Variants in EFHC2 observed in about 807,000 individuals in gnomAD.
EFHC2 encodes the protein EF-hand domain-containing family member C2.
Under a neutral mutation model 52.7 loss-of-function variants are expected in EFHC2, and 18 were observed. That is an observed-to-expected ratio of 0.34 (90% CI 0.24 to 0.51). The LOEUF (loss-of-function observed/expected upper bound fraction) is 0.51. EFHC2 is among the 20% of genes least tolerant of loss of function. The pLI is 0.97. For missense variants in EFHC2, 513 were observed against 562.5 expected (o/e 0.91, Z 0.89); for synonymous variants, 203 against 204.1 (o/e 0.99, Z 0.04).
At chrX:44,276,449 A>T (rs1422553925) in intron 2 of EFHC2, among the ~76,000 whole-genome samples, 1 of 111,542 alleles carries the variant, frequency 9.0e-6, no homozygotes. Flanking sequence ...AAAAGAAAAA[A>T]CTCCTGAAAT....
chrX:44,204,483 A>T (rs2037032242), intron 11 of EFHC2, among the ~76,000 whole-genome samples: 1 of 111,676 alleles, frequency 9.0e-6, no homozygotes, highest in Admixed American at 9.5e-5. Flanking sequence ...AAAACAGAAA[A>T]ATGATCCAGG....
intron 7 of EFHC2, among the ~76,000 whole-genome samples, chrX:44,243,696 A>G (rs914815892): frequency 1.8e-5 from 2 of 112,196 alleles, no homozygotes; most frequent in Admixed American, 9.5e-5. Flanking sequence ...TGCTTACAGC[A>G]GACATGTTTA....
intron 11 of EFHC2, among the ~76,000 whole-genome samples, chrX:44,180,435 T>C (rs6609283): frequency 0.49 from 54,614 of 110,752 alleles, 10,286 homozygotes; most frequent in African/African-American, 0.68. Context: ...GAACACTACA[T>C]CACCATTAAA....
intron 11 of EFHC2, among the ~76,000 whole-genome samples, chrX:44,202,538 T>TA (rs1256253704): frequency 2.7e-5 from 3 of 111,983 alleles, no homozygotes; most frequent in Non-Finnish European, 5.6e-5. Flanking sequence ...TAAAACAAGA[T>TA]ACATTATATT....
At chrX:44,178,129 TCA>T (rs201977577) in intron 12 of EFHC2, among the ~76,000 whole-genome samples, 1,003 of 83,745 alleles carry the variant, frequency 0.012, 12 homozygotes, top group African/African-American at 0.033. Flanking sequence ...AGATGCCATA[TCA>T]CACACACACA....
chrX:44,288,790 A>G (rs2037771881), intron 2 of EFHC2, among the ~76,000 whole-genome samples: 1 of 111,864 alleles, frequency 8.9e-6, no homozygotes, highest in Non-Finnish European at 1.9e-5. Flanking sequence ...TGTCTGTTTT[A>G]TTGTGTATTT....
chrX:44,321,117 T>C (rs1303773178), intron 1 of EFHC2, among the ~76,000 whole-genome samples: 1 of 111,695 alleles, frequency 9.0e-6, no homozygotes, highest in Non-Finnish European at 1.9e-5. Context: ...TGTATGTATC[T>C]TGAAGGTAGA....
At chrX:44,248,963 C>T (rs2037421568) in intron 5 of EFHC2, 47 bp from the exon 6 acceptor site, 8 of 940,506 alleles carry the variant, frequency 8.5e-6, no homozygotes, top group Non-Finnish European at 1.2e-5. Flanking sequence ...TAATCCATTC[C>T]CTTTCTTACT....
chrX:44,310,920 G>T (rs963605073), intron 2 of EFHC2, among the ~76,000 whole-genome samples: 25 of 112,203 alleles, frequency 2.2e-4, no homozygotes, highest in African/African-American at 8.1e-4. Flanking sequence ...AACATGAAAT[G>T]ACTTTTCGAC....
intron 14 of EFHC2, among the ~76,000 whole-genome samples, chrX:44,156,366 C>T (rs1472360390): frequency 8.9e-6 from 1 of 112,557 alleles, no homozygotes; most frequent in Non-Finnish European, 1.9e-5. Flanking sequence ...AAAATTGGCA[C>T]CAGCCCCTGA....
intron 11 of EFHC2, among the ~76,000 whole-genome samples, chrX:44,203,458 G>T (rs1287794748): frequency 9.0e-6 from 1 of 111,497 alleles, no homozygotes; most frequent in African/African-American, 3.3e-5. Context: ...GCCACACAGT[G>T]GCATAGAACC....
intron 1 of EFHC2, among the ~76,000 whole-genome samples, chrX:44,342,616 C>T (rs762812453): frequency 1.4e-4 from 16 of 111,175 alleles, no homozygotes; most frequent in Non-Finnish European, 2.8e-4. Flanking sequence ...AGTGGCTCAG[C>T]CTGTAATCCC....
intron 1 of EFHC2, among the ~76,000 whole-genome samples, chrX:44,317,986 A>G (rs60619626): frequency 0.16 from 18,468 of 112,027 alleles, 1,236 homozygotes; most frequent in African/African-American, 0.26. Flanking sequence ...TAAGTTAAAC[A>G]TAGAATCATC....
chrX:44,249,007 A>G (rs1420772049), intron 5 of EFHC2, 91 bp from the exon 6 acceptor site: 11 of 498,504 alleles, frequency 2.2e-5, no homozygotes, highest in Non-Finnish European at 2.5e-5. Context: ...GTGGCACTCA[A>G]TGAATATTTG....
At chrX:44,279,041 T>C (rs2037682275) in intron 2 of EFHC2, among the ~76,000 whole-genome samples, 1 of 112,230 alleles carries the variant, frequency 8.9e-6, no homozygotes, top group Non-Finnish European at 1.9e-5. Flanking sequence ...TGAGCAATGA[T>C]TCAAACAAAA....
intron 2 of EFHC2, among the ~76,000 whole-genome samples, chrX:44,273,942 G>T (rs1483947646): frequency 9.0e-6 from 1 of 111,682 alleles, no homozygotes; most frequent in Admixed American, 9.5e-5. Flanking sequence ...TACCCTCTAG[G>T]GGTGGTGGTC....
chrX:44,157,046 C>CATA (rs1392381303), intron 14 of EFHC2, among the ~76,000 whole-genome samples: 4 of 112,360 alleles, frequency 3.6e-5, no homozygotes, highest in African/African-American at 1.3e-4. Context: ...GGCTACAGGC[C>CATA]ATAGCCGACA....
chrX:44,305,573 T>C (rs1477118547), intron 2 of EFHC2, among the ~76,000 whole-genome samples: 1 of 112,724 alleles, frequency 8.9e-6, no homozygotes, highest in Non-Finnish European at 1.9e-5. Context: ...GCACCCCAAA[T>C]GTTGCACCGA....
At chrX:44,227,670 C>T (rs766377016) in intron 11 of EFHC2, among the ~76,000 whole-genome samples, 2 of 111,590 alleles carry the variant, frequency 1.8e-5, no homozygotes, top group East Asian at 5.6e-4. Context: ...CACATAGATA[C>T]CCCACCCCCA....
Sources: gnomAD v4.1 joint callset for allele counts (sites outside exome capture counted in the v4.1 genomes callset) on GRCh38, gnomAD v4.1.1 for gene constraint, MANE v1.5 for transcripts, NCBI Gene and HGNC (gene_info 2026-07-23, HGNC 2026-07-21) for gene names.